Variants in NRG2 observed in about 807,000 individuals in gnomAD.
NRG2 encodes the protein neuregulin 2, also known as pro-neuregulin-2, membrane-bound isoform.
Under a neutral mutation model 73.9 loss-of-function variants are expected in NRG2, and 27 were observed. That is an observed-to-expected ratio of 0.37 (90% CI 0.27 to 0.50). The LOEUF is 0.50. Among genes scored for constraint, NRG2 ranks in the 20% least tolerant of loss-of-function variants. The pLI, the probability that NRG2 is intolerant of heterozygous loss-of-function variation, is 0.96. For missense variants in NRG2, 1,126 were observed against 1,210.1 expected (o/e 0.93, Z 1.03); for synonymous variants, 532 against 541.0 (o/e 0.98, Z 0.23).
intron 1 of NRG2, among the ~76,000 whole-genome samples, chr5:140,040,528 G>C (rs772999655): frequency 5.3e-5 from 8 of 152,128 alleles, no homozygotes; most frequent in Non-Finnish European, 8.8e-5. Context: ...GGAGACAAGG[G>C]AGCAGAGAAG....
chr5:140,002,939 G>A (rs1184711917), intron 1 of NRG2, among the ~76,000 whole-genome samples: 2 of 152,214 alleles, frequency 1.3e-5, no homozygotes, highest in African/African-American at 4.8e-5. Flanking sequence ...TAGATGTGGA[G>A]TGAAAGAAGA....
chr5:139,935,607 T>G (rs1364401310), intron 1 of NRG2, among the ~76,000 whole-genome samples: 2 of 152,202 alleles, frequency 1.3e-5, no homozygotes, highest in Non-Finnish European at 2.9e-5. Flanking sequence ...AATAAATTTC[T>G]AAATAATATA....
intron 1 of NRG2, among the ~76,000 whole-genome samples, chr5:140,022,688 G>T (rs1760336341): frequency 1.3e-5 from 2 of 152,108 alleles, no homozygotes; most frequent in Admixed American, 1.3e-4. Context: ...TAATAAAGAT[G>T]ATACTAACAG....
rs1762728920 is a variant in NRG2 at position 139,869,957 on chromosome 5, T to C, written c.1112+1764A>G. On this transcript the variant is annotated intron_variant, in intron 4 of 9. Coordinates refer to ENST00000361474, the MANE Select transcript of NRG2 (RefSeq NM_004883.3). This position sits in a 1 kb window ranked among gnomAD's most constrained non-coding sequence, Gnocchi z 4.5. ...TGTCCTGAGGGGCCAGAACCTTCCC[T>C]GCCCGGACGAGGGCTGACTTCAGTG... 6.6e-6 allele frequency among the ~76,000 whole-genome samples: 1 copy of C among 152,162 alleles called. No homozygotes were observed. The highest frequency in any genetic ancestry group is 6.5e-5 in the Admixed American group (1 of 15,284).
intron 1 of NRG2, among the ~76,000 whole-genome samples, chr5:139,921,164 G>A (rs1300263896): frequency 2.0e-5 from 3 of 152,216 alleles, no homozygotes; most frequent in Admixed American, 6.5e-5. Context: ...CAAGATGTCA[G>A]TTCTTCCCAA....
chr5:139,944,344 G>A (rs1311818243), intron 1 of NRG2, among the ~76,000 whole-genome samples: 1 of 152,048 alleles, frequency 6.6e-6, no homozygotes, highest in African/African-American at 2.4e-5. Flanking sequence ...TAGAACACTA[G>A]AACTTATTCC....
intron 1 of NRG2, among the ~76,000 whole-genome samples, chr5:139,939,243 C>CCTTCCTTT (rs1307740870): frequency 4.5e-4 from 31 of 69,308 alleles, no homozygotes; most frequent in African/African-American, 1.3e-3. Context: ...TTCCTTCCTT[C>CCTTCCTTT]CTTTCTTTCT....
intron 1 of NRG2, among the ~76,000 whole-genome samples, chr5:139,995,462 A>G (rs138906253): frequency 1.8e-4 from 27 of 152,338 alleles, no homozygotes; most frequent in African/African-American, 4.3e-4. Context: ...GTTCAGCCCC[A>G]GATGCTGCAT....
Position 140,042,509 on chromosome 5 carries a change from C to A in NRG2, c.561G>T (p.Pro187=), listed in dbSNP as rs778208008. 2 of 1,613,558 alleles carry A rather than the reference C, an allele frequency of 1.2e-6. No individual in the cohort carries two copies. Among genetic ancestry groups the A allele is most frequent in the Non-Finnish European group, 1.7e-6 (2 of 1,179,940 alleles). Residue 187 remains proline (P), a synonymous_variant, in exon 1 of 10, where the codon CCG becomes CCT. Coordinates refer to ENST00000361474, the MANE Select transcript of NRG2 (RefSeq NM_004883.3). ...AGATGTAGCGCTGGTTCCTTTCGAG[C>A]GGCACACAGGAGCCCACGCTGATCA... is the stretch of plus-strand genomic sequence containing the variant. ...EQVISVGSCV[P]LERNQRYIFF...
chr5:139,947,930 T>C (rs1370850015), intron 1 of NRG2, among the ~76,000 whole-genome samples: 1 of 152,214 alleles, frequency 6.6e-6, no homozygotes. Context: ...TAATGTAAAA[T>C]TTACCATTCT....
intron 1 of NRG2, among the ~76,000 whole-genome samples, chr5:140,023,269 A>T (rs771244952): frequency 1.6e-4 from 24 of 151,914 alleles, no homozygotes; most frequent in Non-Finnish European, 3.2e-4. Context: ...TCTCCCCTAT[A>T]TCTCTACCCC....
In NRG2 at chr5:140,001,310, A is replaced by T. The variant is rs527449476; in HGVS notation, c.700+41060T>A. ...GGTGCCCCATACTTAAGCGTATTTA[A>T]TACATACCTACAGCTTATGGTAGTG... On this transcript the variant is annotated intron_variant, in intron 1 of 9. Transcript: ENST00000361474. Among the ~76,000 whole-genome samples the T allele has an allele frequency of 1.1e-4, 17 of 152,192 alleles. 1 individual carries two copies. The highest frequency in any genetic ancestry group is 2.1e-4 in the Non-Finnish European group (14 of 68,038).
chr5:139,941,934 C>T (rs549012645), intron 1 of NRG2, among the ~76,000 whole-genome samples: 47 of 152,100 alleles, frequency 3.1e-4, no homozygotes, highest in African/African-American at 9.2e-4. Context: ...ATTATTTTAC[C>T]GCCATATAAA....
At chr5:139,981,646 C>T (rs1459504329) in intron 1 of NRG2, among the ~76,000 whole-genome samples, 1 of 152,242 alleles carries the variant, frequency 6.6e-6, no homozygotes, top group Non-Finnish European at 1.5e-5. Context: ...GGTCCCAGAA[C>T]TCCTAGAACT....
At chr5:139,913,484 C>T (rs1373417224) in intron 1 of NRG2, among the ~76,000 whole-genome samples, 4 of 152,222 alleles carry the variant, frequency 2.6e-5, no homozygotes, top group Non-Finnish European at 5.9e-5. Flanking sequence ...CTAAATTATT[C>T]TGTAGCTTCA....
intron 1 of NRG2, among the ~76,000 whole-genome samples, chr5:140,040,564 C>T (rs530273934): frequency 5.8e-4 from 89 of 152,254 alleles, no homozygotes; most frequent in Non-Finnish European, 9.9e-4. Context: ...GGTTATCTGA[C>T]AAAGACCATC....
At chr5:140,007,346 T>G (rs572043605) in intron 1 of NRG2, among the ~76,000 whole-genome samples, 20 of 152,076 alleles carry the variant, frequency 1.3e-4, no homozygotes, top group Non-Finnish European at 2.2e-4. Flanking sequence ...CCCCAGGGGA[T>G]AAAGCATTGA....
rs990145464 is a variant in NRG2 at position 140,043,098 on chromosome 5, G to A, written c.-29C>T. 6.4e-7 allele frequency: 1 copy of A among 1,567,254 alleles called. No individual in the cohort carries two copies. Among genetic ancestry groups the A allele is most frequent in the South Asian group, 1.1e-5 (1 of 88,110 alleles). On this transcript the variant is annotated 5_prime_UTR_variant, in exon 1 of 10. Coordinates refer to ENST00000361474, the MANE Select transcript of NRG2 (RefSeq NM_004883.3). The surrounding 1 kb of genome is among the most constrained non-coding windows in gnomAD (Gnocchi z 6.7). Reference sequence around the variant, plus strand: ...GCCAGGCCATTTGGGGGGCTCCGCCGCTCAGCCGCCGCCGCCTTGGGAGGG... The same window carrying A: ...GCCAGGCCATTTGGGGGGCTCCGCCACTCAGCCGCCGCCGCCTTGGGAGGG...
chr5:139,877,500 G>T (rs962802547), intron 3 of NRG2, among the ~76,000 whole-genome samples: 1 of 151,780 alleles, frequency 6.6e-6, no homozygotes, highest in South Asian at 2.1e-4. Flanking sequence ...AGACCACAGG[G>T]TGTGGTTGCT....
Sources: gnomAD v4.1 joint callset for allele counts (sites outside exome capture counted in the v4.1 genomes callset) on GRCh38, gnomAD v4.1.1 for gene constraint, Gnocchi (gnomAD v3.1) non-coding constraint, MANE v1.5 for transcripts, NCBI Gene and HGNC (gene_info 2026-07-23, HGNC 2026-07-21) for gene names.